LIMCH1: variants seen among roughly 807,000 people sequenced by gnomAD.
LIMCH1 encodes LIM and calponin homology domains-containing protein 1.
Under a neutral mutation model 176.5 loss-of-function variants are expected in LIMCH1, and 113 were observed. That is an observed-to-expected ratio of 0.64 (90% confidence interval 0.55 to 0.75). LIMCH1 has a LOEUF of 0.75. Ranked by LOEUF, LIMCH1 falls within the 30% of genes least tolerant of loss-of-function variation. The pLI is 0.00. For missense variants in LIMCH1, 1,674 were observed against 1,814.9 expected, an observed-to-expected ratio of 0.92 and a Z score of 1.41; for synonymous variants, 619 against 645.9, an observed-to-expected ratio of 0.96 and a Z score of 0.63.
At chr4:41,372,084 T>A (rs1041758951) in intron 1 of LIMCH1, among the ~76,000 whole-genome samples, 2 of 152,100 alleles carry the variant, frequency 1.3e-5, no homozygotes, top group Middle Eastern at 3.2e-3. Flanking sequence ...TAGACTCCAT[T>A]TGGCTTTGTG....
chr4:41,614,982 G>A (rs2091905139), intron 5 of LIMCH1, among the ~76,000 whole-genome samples: 1 of 152,152 alleles, frequency 6.6e-6, no homozygotes, highest in African/African-American at 2.4e-5. Context: ...AAACTTTCCA[G>A]CAAATAGTTT....
At chr4:41,556,486 A>T (rs886385665) in intron 1 of LIMCH1, among the ~76,000 whole-genome samples, 1 of 151,676 alleles carries the variant, frequency 6.6e-6, no homozygotes, top group African/African-American at 2.4e-5. Context: ...TACCTTTTTG[A>T]TCATTAACTC....
intron 21 of LIMCH1, chr4:41,670,808 G>A (rs2094990302): frequency 6.5e-7 from 1 of 1,535,472 alleles, no homozygotes; most frequent in Non-Finnish European, 8.7e-7. Flanking sequence ...CTGCATACTG[G>A]GTAGCTGTAT....
chr4:41,657,303 C>T (rs576220412), intron 18 of LIMCH1, among the ~76,000 whole-genome samples: 1 of 152,210 alleles, frequency 6.6e-6, no homozygotes, highest in Non-Finnish European at 1.5e-5. Context: ...ACACATTTTT[C>T]CATCAAGGCG....
rs187557794 is a variant in LIMCH1 at position 41,661,011 on chromosome 4, G to A, written c.3037-409G>A. Among the ~76,000 whole-genome samples, 420 of 152,258 alleles carry A rather than the reference G, an allele frequency of 2.8e-3. 3 individuals are homozygous for A. Among genetic ancestry groups the A allele is most frequent in the Middle Eastern group, 0.014 (4 of 294 alleles). On this transcript the variant is annotated intron_variant, in intron 18 of 31. Transcript: ENST00000503057. ...AAATCCACAATGGTAAGGGCCACAG[G>A]CAACTATGCCAAGACAGGCCACTGA...
intron 18 of LIMCH1, among the ~76,000 whole-genome samples, chr4:41,656,709 T>C (rs549657458): frequency 6.6e-6 from 1 of 152,198 alleles, no homozygotes; most frequent in South Asian, 2.1e-4. Flanking sequence ...ATAAATAGAC[T>C]GATTTTCCAG....
At chr4:41,566,732 G>T (rs1470250870) in intron 1 of LIMCH1, among the ~76,000 whole-genome samples, 1 of 152,046 alleles carries the variant, frequency 6.6e-6, no homozygotes, top group African/African-American at 2.4e-5. Flanking sequence ...GTGATGTTTT[G>T]ATAAACATCT....
chr4:41,430,343 A>G (rs896603746), intron 1 of LIMCH1, among the ~76,000 whole-genome samples: 7 of 152,166 alleles, frequency 4.6e-5, no homozygotes, highest in Admixed American at 4.6e-4. Flanking sequence ...GCTCACCACA[A>G]TCTCTGCCTC....
intron 1 of LIMCH1, among the ~76,000 whole-genome samples, chr4:41,376,889 G>T (rs2054848303): frequency 3.9e-5 from 6 of 152,120 alleles, no homozygotes; most frequent in Admixed American, 3.9e-4. Context: ...GGTGATGGTT[G>T]CCCATATGCA....
chr4:41,409,388 G>T (rs994094829), intron 1 of LIMCH1, among the ~76,000 whole-genome samples: 1 of 152,038 alleles, frequency 6.6e-6, no homozygotes, highest in Non-Finnish European at 1.5e-5. Flanking sequence ...GATTAATGCC[G>T]CCAGTAGTAG....
At chr4:41,693,720 A>G (rs749593548) in intron 31 of LIMCH1, among the ~76,000 whole-genome samples, 32 of 152,224 alleles carry the variant, frequency 2.1e-4, no homozygotes, top group Non-Finnish European at 3.8e-4. Flanking sequence ...CCAGATTTCA[A>G]TGCGAATTTT....
rs1483879402 is a variant in LIMCH1 at position 41,646,569 on chromosome 4, T to C, written c.2496T>C (p.Ile832=). 1.2e-6 allele frequency: 2 copies of C among 1,614,000 alleles called. No individual in the cohort carries two copies. Among genetic ancestry groups the C allele is most frequent in the Non-Finnish European group, 1.7e-6 (2 of 1,180,020 alleles). The part of the protein sequence containing the change: ...EEAEGILQQY[I]ERFTISEAVL... The stretch of plus-strand genomic sequence containing the variant: ...CAGAGGGGATCCTTCAACAGTACAT[T>C]GAGAGGTTCACCATCAGTGAGGCTG... Residue 832 remains isoleucine, a synonymous_variant, in exon 17 of 32, where the codon ATT becomes ATC. Coordinates refer to ENST00000503057, the MANE Select transcript of LIMCH1 (RefSeq NM_001330672.2).
At chr4:41,679,909 A>C (rs542551941) in intron 23 of LIMCH1, 97 bp from the exon 24 acceptor site, 4 of 685,716 alleles carry the variant, frequency 5.8e-6, no homozygotes, top group Non-Finnish European at 1.0e-5. Flanking sequence ...GAAGAAGATA[A>C]TCTTGCAACA....
chr4:41,439,424 A>G (rs1452741584), intron 1 of LIMCH1, among the ~76,000 whole-genome samples: 1 of 152,042 alleles, frequency 6.6e-6, no homozygotes, highest in Non-Finnish European at 1.5e-5. Context: ...CCATCTCTAT[A>G]AAAAATACAG....
chr4:41,399,683 C>CTTTTT (rs1353461851), intron 1 of LIMCH1, among the ~76,000 whole-genome samples: 330 of 19,712 alleles, frequency 0.017, 14 homozygotes, highest in African/African-American at 0.084. Context: ...GAGGTGGATA[C>CTTTTT]TCTTTTTTTT....
At chr4:41,646,938 G>C (rs768979197) in intron 17 of LIMCH1, 45 bp downstream of exon 17, 1 of 1,513,890 alleles carries the variant, frequency 6.6e-7, no homozygotes, top group Non-Finnish European at 9.0e-7. Flanking sequence ...GAACTCCAGG[G>C]AGTGGATGGA....
intron 1 of LIMCH1, among the ~76,000 whole-genome samples, chr4:41,478,151 G>A (rs1022601648): frequency 2.0e-5 from 3 of 152,170 alleles, no homozygotes; most frequent in African/African-American, 4.8e-5. Flanking sequence ...ATTATAAAAT[G>A]TAACACAAGT....
intron 3 of LIMCH1, among the ~76,000 whole-genome samples, chr4:41,531,038 C>T (rs970572691): frequency 4.6e-5 from 7 of 151,838 alleles, no homozygotes; most frequent in Admixed American, 2.6e-4. Context: ...AGCTTTCCAA[C>T]TAATAAGAGG....
intron 1 of LIMCH1, among the ~76,000 whole-genome samples, chr4:41,487,970 A>C (rs558866795): frequency 2.1e-4 from 31 of 150,556 alleles, no homozygotes; most frequent in African/African-American, 7.6e-4. Flanking sequence ...TGTATTTATC[A>C]TAAGAGTTTA....
Sources: gnomAD v4.1 joint callset for allele counts (sites outside exome capture counted in the v4.1 genomes callset) on GRCh38, gnomAD v4.1.1 for gene constraint, MANE v1.5 for transcripts, NCBI Gene and HGNC (gene_info 2026-07-23, HGNC 2026-07-21) for gene names.